Variants in SOD2 observed in about 807,000 individuals in gnomAD.
SOD2 encodes superoxide dismutase 2.
Under a neutral mutation model 27.0 loss-of-function variants are expected in SOD2, and 11 were observed. That is an observed-to-expected ratio of 0.41 (90% CI 0.26 to 0.67). SOD2 has a LOEUF of 0.67. SOD2 is among the 30% of genes least tolerant of loss of function. SOD2 has a pLI of 0.34. For missense variants in SOD2, 250 were observed against 274.5 expected (o/e 0.91, Z 0.63); for synonymous variants, 105 against 103.0 (o/e 1.02, Z -0.12).
intron 1 of SOD2, among the ~76,000 whole-genome samples, chr6:159,740,842 C>G (rs111634335): frequency 1.3e-5 from 2 of 152,100 alleles, no homozygotes; most frequent in African/African-American, 4.8e-5. Context: ...GCTGGGACTA[C>G]GGGCATGCGC....
chr6:159,732,260 G>A (rs986604558), upstream of SOD2, among the ~76,000 whole-genome samples: 1 of 152,074 alleles, frequency 6.6e-6, no homozygotes, highest in Non-Finnish European at 1.5e-5. Flanking sequence ...AATTTATATT[G>A]AACAGCATCC....
intron 1 of SOD2, among the ~76,000 whole-genome samples, chr6:159,706,335 G>C (rs1777626266): frequency 6.6e-6 from 1 of 152,124 alleles, no homozygotes; most frequent in Non-Finnish European, 1.5e-5. Context: ...ATTGGATAAA[G>C]AGTCAAGACC....
upstream of SOD2, among the ~76,000 whole-genome samples, chr6:159,730,657 G>C (rs1021928945): frequency 6.6e-6 from 1 of 152,208 alleles, no homozygotes; most frequent in South Asian, 2.1e-4. Context: ...CTTTTCATCA[G>C]ATTAAAGTTG....
At chr6:159,734,396 A>G (rs1409537797) in intron 1 of SOD2, among the ~76,000 whole-genome samples, 1 of 150,788 alleles carries the variant, frequency 6.6e-6, no homozygotes, top group Non-Finnish European at 1.5e-5. Flanking sequence ...AAAAAAATTC[A>G]GTTTAACATA....
chr6:159,726,670 C>T, intron 1 of SOD2: 2 of 828,414 alleles, frequency 2.4e-6, no homozygotes, highest in Non-Finnish European at 3.3e-6. Flanking sequence ...CCGCCTTCCC[C>T]GTGTTCCAGT....
intron 1 of SOD2, among the ~76,000 whole-genome samples, chr6:159,734,735 T>C (rs1273778103): frequency 1.3e-5 from 2 of 152,258 alleles, no homozygotes; most frequent in African/African-American, 4.8e-5. Flanking sequence ...GCAATTTAGA[T>C]GCTTTTTCAA....
At chr6:159,694,488 G>A (rs1777379273), upstream of SOD2, among the ~76,000 whole-genome samples, 2 of 152,304 alleles carry the variant, frequency 1.3e-5, no homozygotes, top group African/African-American at 2.4e-5. Context: ...AACAGGAAGG[G>A]CTGGGCTTGT....
At chr6:159,760,436 A>G (rs549061159) in intron 1 of SOD2, 15 of 152,100 alleles carry the variant, frequency 9.9e-5, no homozygotes, top group African/African-American at 3.6e-4. Flanking sequence ...CGCCCGGCTA[A>G]TTTTTCTATT....
intron 1 of SOD2, among the ~76,000 whole-genome samples, chr6:159,752,354 T>G (rs78394643): frequency 0.016 from 2,460 of 152,288 alleles, 73 homozygotes; most frequent in African/African-American, 0.056. Flanking sequence ...ATCATTTCTT[T>G]TTTTTTCTTT....
At chr6:159,725,864 T>G (rs898697502) in intron 1 of SOD2, 1 of 152,194 alleles carries the variant, frequency 6.6e-6, no homozygotes, top group African/African-American at 2.4e-5. Flanking sequence ...AATATTTAAG[T>G]GAATACTTAA....
upstream of SOD2, chr6:159,727,391 CGGGA>C (rs1554262607): frequency 6.8e-6 from 4 of 588,724 alleles, no homozygotes; most frequent in South Asian, 6.7e-5. Context: ...AGGCGGGAGG[CGGGA>C]GGCGGGAGGC....
chr6:159,724,282 C>T (rs978396025), intron 1 of SOD2, among the ~76,000 whole-genome samples: 2 of 152,148 alleles, frequency 1.3e-5, no homozygotes, highest in Admixed American at 6.5e-5. Context: ...ATCAGCCACC[C>T]GGCCCTTTTC....
At chr6:159,705,838 AAGG>A (rs1431412921) in intron 1 of SOD2, among the ~76,000 whole-genome samples, 1 of 152,118 alleles carries the variant, frequency 6.6e-6, no homozygotes, top group African/African-American at 2.4e-5. Context: ...AGTTGAAATG[AAGG>A]AAAAAATGTT....
chr6:159,693,374 C>T, upstream of SOD2: 1 of 197,652 alleles, frequency 5.1e-6, no homozygotes. Flanking sequence ...GCGCCCAACC[C>T]CGGGGGTGCC....
At chr6:159,732,834 G>A in intron 1 of SOD2, among the ~76,000 whole-genome samples, 1 of 150,140 alleles carries the variant, frequency 6.7e-6, no homozygotes, top group African/African-American at 2.5e-5. Flanking sequence ...GAGGGGGAGT[G>A]TCTCTGTCTG....
chr6:159,757,014 T>A (rs1000542973), intron 1 of SOD2, among the ~76,000 whole-genome samples: 1 of 152,126 alleles, frequency 6.6e-6, no homozygotes, highest in Admixed American at 6.5e-5. Flanking sequence ...GCACTACTGA[T>A]TTTTACTAAC....
chr6:159,733,454 CAA>C (rs1019045647), intron 1 of SOD2, among the ~76,000 whole-genome samples: 1 of 71,976 alleles, frequency 1.4e-5, no homozygotes, highest in Non-Finnish European at 3.1e-5. Context: ...CTGTCTCTAC[CAA>C]AAAAAATTAC....
At position 159,742,223 on chromosome 6, in the gene SOD2, A is replaced by G. The variant is rs1014777321; in HGVS notation, c.-116+2907T>C. The G allele has an allele frequency of 4.0e-6, 5 of 1,250,566 alleles. No individual in the cohort carries two copies. In the African/African-American group the frequency reaches 7.6e-5, roughly 19 times the overall value. 77.5% of individuals were successfully genotyped at this position (1,250,566 alleles called of 1,614,324 possible). On this transcript the variant is annotated intron_variant, in intron 1 of 3. Coordinates refer to the SOD2 transcript ENST00000537657. ...TAAAATCAAAAGGATAGTTGTTTTT[A>G]TTAAAGCAAATGTAATTTTTCTCGT...
chr6:159,723,707 G>A (rs930419869), intron 1 of SOD2, among the ~76,000 whole-genome samples: 1 of 152,142 alleles, frequency 6.6e-6, no homozygotes, highest in African/African-American at 2.4e-5. Context: ...AGAACAACTG[G>A]TCACCCTAGT....
Sources: gnomAD v4.1 joint callset for allele counts (sites outside exome capture counted in the v4.1 genomes callset) on GRCh38, gnomAD v4.1.1 for gene constraint, MANE v1.5 for transcripts, NCBI Gene and HGNC (gene_info 2026-07-23, HGNC 2026-07-21) for gene names.